APPBP2: variants seen among roughly 807,000 people sequenced by gnomAD.
The protein encoded by APPBP2 is amyloid protein-binding protein 2.
Under a neutral mutation model 76.0 loss-of-function variants are expected in APPBP2, and 15 were observed. The observed-to-expected ratio is 0.20, with a 90% CI of 0.13 to 0.30. APPBP2 has a LOEUF of 0.30. Ranked by LOEUF, APPBP2 falls within the 10% of genes least tolerant of loss-of-function variation. APPBP2 has a pLI of 1.00. For missense variants in APPBP2, 401 were observed against 687.2 expected (o/e 0.58, Z 4.66); for synonymous variants, 222 against 242.2 (o/e 0.92, Z 0.77).
At chr17:60,470,557 T>C (rs1296658145) in intron 4 of APPBP2, among the ~76,000 whole-genome samples, 1 of 151,634 alleles carries the variant, frequency 6.6e-6, no homozygotes, top group Admixed American at 6.6e-5. Context: ...TGAGCCACCA[T>C]GCCCAGCCTG....
intron 5 of APPBP2, chr17:60,464,867 T>C (rs1405435251): frequency 2.0e-5 from 3 of 152,196 alleles, no homozygotes; most frequent in African/African-American, 4.8e-5. Flanking sequence ...GGTTATAACA[T>C]AGTGAGACTT....
chr17:60,515,254 T>C (rs753685042), intron 1 of APPBP2, among the ~76,000 whole-genome samples: 1 of 151,760 alleles, frequency 6.6e-6, no homozygotes, highest in Non-Finnish European at 1.5e-5. Flanking sequence ...TAGCTGGGAT[T>C]ATAGGCACCA....
chr17:60,472,238 A>G (rs1269540710), intron 4 of APPBP2, among the ~76,000 whole-genome samples: 1 of 152,214 alleles, frequency 6.6e-6, no homozygotes, highest in Non-Finnish European at 1.5e-5. Context: ...TTTGAGAAGA[A>G]CTAGTGCTAA....
Position 60,484,349 on chromosome 17 carries a change from C to T in APPBP2, c.380-5078G>A, listed in dbSNP as rs1468512029. Among the ~76,000 whole-genome samples, 3 of 152,228 alleles carry T rather than the reference C, an allele frequency of 2.0e-5. No homozygotes were observed. In the South Asian group the frequency reaches 6.2e-4, roughly 32 times the overall value. On this transcript the variant is annotated intron_variant, in intron 3 of 12. Coordinates refer to ENST00000083182, the MANE Select transcript of APPBP2 (RefSeq NM_006380.5). ...AGCCATTTTCATGATACTGATTCTT[C>T]CTATTCATGAGCATGGAATGTTCTT... is the stretch of plus-strand genomic sequence containing the variant.
intron 4 of APPBP2, chr17:60,468,401 A>T (rs2090527208): frequency 6.6e-6 from 1 of 152,238 alleles, no homozygotes; most frequent in African/African-American, 2.4e-5. Flanking sequence ...AGAAACCCAT[A>T]GGTTGAAAAT....
At chr17:60,456,194 G>GTGAGAAAATCCTCCAATCCTC (rs2090430275) in intron 10 of APPBP2, 102 bp downstream of exon 10, 1 of 829,506 alleles carries the variant, frequency 1.2e-6, no homozygotes, top group Admixed American at 2.1e-5. Context: ...GTCAAATCCT[G>GTGAGAAAATCCTCCAATCCTC]TGAGAAAATC....
chr17:60,522,872 T>TA (rs1555637334), intron 1 of APPBP2, among the ~76,000 whole-genome samples: 15 of 150,574 alleles, frequency 1.0e-4, no homozygotes, highest in Non-Finnish European at 1.6e-4. Flanking sequence ...TTTTTTTTTT[T>TA]TAAAAAAAAG....
intron 4 of APPBP2, among the ~76,000 whole-genome samples, chr17:60,470,457 G>C (rs1289880814): frequency 1.3e-5 from 2 of 152,064 alleles, no homozygotes; most frequent in African/African-American, 2.4e-5. Flanking sequence ...ATAGAGACAA[G>C]GTCTTGCTAT....
intron 1 of APPBP2, among the ~76,000 whole-genome samples, chr17:60,524,163 G>A (rs2091031760): frequency 6.6e-6 from 1 of 152,166 alleles, no homozygotes; most frequent in Non-Finnish European, 1.5e-5. Context: ...ATCTTCAAAT[G>A]AAAAGCTTCA....
chr17:60,460,597 T>C, intron 9 of APPBP2, 66 bp downstream of exon 9: 1 of 1,509,262 alleles, frequency 6.6e-7, no homozygotes, highest in South Asian at 1.2e-5. Flanking sequence ...AGTTCCCTAA[T>C]GGGAAAAAAC....
At chr17:60,464,410 A>T (rs1160295908) in intron 5 of APPBP2, among the ~76,000 whole-genome samples, 1 of 152,166 alleles carries the variant, frequency 6.6e-6, no homozygotes, top group East Asian at 1.9e-4. Flanking sequence ...CTCTGCCTTA[A>T]AATACATTCC....
intron 4 of APPBP2, among the ~76,000 whole-genome samples, chr17:60,478,929 A>G (rs1266114288): frequency 1.3e-5 from 2 of 152,202 alleles, no homozygotes; most frequent in Non-Finnish European, 2.9e-5. Flanking sequence ...ATAAAAAAAG[A>G]AACACATTCT....
At chr17:60,450,094 G>C (rs2090381507) in intron 12 of APPBP2, among the ~76,000 whole-genome samples, 1 of 151,774 alleles carries the variant, frequency 6.6e-6, no homozygotes, top group Admixed American at 6.6e-5. Flanking sequence ...ACCGTGCCTG[G>C]CTGAAAAGAT....
intron 4 of APPBP2, among the ~76,000 whole-genome samples, chr17:60,473,263 G>C (rs1307021853): frequency 6.6e-6 from 1 of 152,022 alleles, no homozygotes; most frequent in African/African-American, 2.4e-5. Flanking sequence ...ATTACACAAG[G>C]CATCAAATGC....
intron 4 of APPBP2, among the ~76,000 whole-genome samples, chr17:60,472,309 G>A (rs1202415586): frequency 6.6e-6 from 1 of 152,082 alleles, no homozygotes; most frequent in Non-Finnish European, 1.5e-5. Flanking sequence ...TTGTTGGAAG[G>A]TTTTTGATTA....
chr17:60,504,672 G>A (rs1378941640), intron 1 of APPBP2, among the ~76,000 whole-genome samples: 2 of 152,104 alleles, frequency 1.3e-5, no homozygotes, highest in Non-Finnish European at 2.9e-5. Flanking sequence ...AATCAGCCCG[G>A]CATGGCTGCG....
intron 1 of APPBP2, among the ~76,000 whole-genome samples, chr17:60,502,438 C>T (rs2090830195): frequency 6.6e-6 from 1 of 152,180 alleles, no homozygotes; most frequent in Non-Finnish European, 1.5e-5. Context: ...ATTTGCGACA[C>T]AACAGTTACC....
intron 1 of APPBP2, among the ~76,000 whole-genome samples, chr17:60,507,457 C>T (rs939739311): frequency 2.0e-5 from 3 of 152,028 alleles, no homozygotes; most frequent in East Asian, 1.9e-4. Context: ...CCTGACCTCA[C>T]GTGAGCTGCC....
intron 5 of APPBP2, among the ~76,000 whole-genome samples, chr17:60,464,620 G>A (rs1353544979): frequency 6.6e-6 from 1 of 152,186 alleles, no homozygotes; most frequent in African/African-American, 2.4e-5. Flanking sequence ...TATAAGATAC[G>A]TACTATTAGG....
Sources: allele counts gnomAD v4.1 joint callset (sites outside exome capture counted in the v4.1 genomes callset), GRCh38; gene constraint gnomAD v4.1.1; transcripts MANE v1.5; gene names NCBI Gene and HGNC (gene_info 2026-07-23, HGNC 2026-07-21).